COL16A1: variants seen among roughly 807,000 people sequenced by gnomAD.
The protein encoded by COL16A1 is collagen alpha-1(XVI) chain.
Under a neutral mutation model 266.3 loss-of-function variants are expected in COL16A1, and 189 were observed. The observed-to-expected ratio is 0.71, with a 90% CI of 0.63 to 0.80. COL16A1 has a LOEUF of 0.80. Ranked by LOEUF, COL16A1 falls within the 30% of genes least tolerant of loss-of-function variation. COL16A1 has a pLI of 0.00. For missense variants in COL16A1, 1,928 were observed against 2,122.4 expected, an observed-to-expected ratio of 0.91 and a Z score of 1.80; for synonymous variants, 740 against 782.3, an observed-to-expected ratio of 0.95 and a Z score of 0.90.
At position 31,688,938 on chromosome 1, in the gene COL16A1, C is replaced by A; in HGVS notation, c.1690G>T (p.Gly564Trp). The change falls in exon 25 of 71, where the codon GGG becomes TGG. Residue 564 changes from glycine (G) to tryptophan (W), a missense_variant. Physicochemically the swap from Gly to Trp is radical, Grantham distance 184 (BLOSUM62 -2). Coordinates refer to ENST00000373672, the MANE Select transcript of COL16A1 (RefSeq NM_001856.4). This position sits in a 1 kb window ranked among gnomAD's most constrained non-coding sequence, Gnocchi z 4.9. ...EPCLSCSSVV[G>W]AQHLVSSTGA... Reference sequence around the variant, plus strand: ...GTGGAGGACACAAGATGCTGGGCCCCTACAACCGAGCTGCAGGACAAGCAG... The same window carrying A: ...GTGGAGGACACAAGATGCTGGGCCCATACAACCGAGCTGCAGGACAAGCAG... 1.2e-6 allele frequency: 2 copies of A among 1,614,184 alleles called. No homozygotes were observed. Among genetic ancestry groups the A allele is most frequent in the Non-Finnish European group, 1.7e-6 (2 of 1,180,008 alleles).
At chr1:31,702,887 T>C (rs762526876) in intron 1 of COL16A1, among the ~76,000 whole-genome samples, 2 of 152,040 alleles carry the variant, frequency 1.3e-5, no homozygotes, top group Non-Finnish European at 2.9e-5. Flanking sequence ...CCCCAGCTGA[T>C]GGATGCTTGT....
chr1:31,674,426 G>A (rs1032703422), intron 44 of COL16A1, among the ~76,000 whole-genome samples: 6 of 152,254 alleles, frequency 3.9e-5, no homozygotes, highest in Non-Finnish European at 8.8e-5. Context: ...CTTCTGCTCA[G>A]TTTGGGAAGC....
At position 31,703,873 on chromosome 1, in the gene COL16A1, C is replaced by T. The variant is rs947561693; in HGVS notation, c.-71G>A. On this transcript the variant is annotated 5_prime_UTR_variant, in exon 1 of 71. Transcript: ENST00000373672. ...GATCCCCCCACCTCACTGAGCAGTC[C>T]AGGCAGCAGGCGGAGGAAGCAGAGC... 1.3e-5 allele frequency: 2 copies of T among 152,658 alleles called. No homozygotes were observed. The highest frequency in any genetic ancestry group is 2.9e-5 in the Non-Finnish European group (2 of 68,402). 9.5% of individuals were successfully genotyped at this position (152,658 alleles called of 1,614,324 possible). A position where few individuals can be genotyped will look rare whatever the true frequency, so the allele number is the denominator to read the frequency against.
In COL16A1 at chr1:31,668,958, A is replaced by G. The variant is rs2148698280; in HGVS notation, c.3196-103T>C. 2 of 1,005,656 alleles carry G rather than the reference A, an allele frequency of 2.0e-6. No homozygotes were observed. Among genetic ancestry groups the G allele is most frequent in the East Asian group, 5.0e-5 (2 of 39,862 alleles). The allele number at this position is 1,005,656 out of a possible 1,614,324, so 62.3% of individuals were successfully genotyped here. A position where few individuals can be genotyped will look rare whatever the true frequency, so the allele number is the denominator to read the frequency against. On this transcript the variant is annotated intron_variant, in intron 49 of 70. Coordinates refer to ENST00000373672, the MANE Select transcript of COL16A1 (RefSeq NM_001856.4). This position sits in a 1 kb window ranked among gnomAD's most constrained non-coding sequence, Gnocchi z 5.8. ...TGCCTTCTGTTCCCACTCCAGGCAA[A>G]TATGGAGGCCATAGTGGCTCTCGTA...
In COL16A1 at chr1:31,658,955, C is replaced by T. The variant is rs375539480; in HGVS notation, c.3889G>A (p.Gly1297Arg). ...GCTGGTCCTGGCTGGCCTGGAGGCC[C>T]TGGTGGCCCCTAAAGAGAGATGAGT... ...PGPPGHVGPP[G>R]PPGQPGPAGI... Residue 1297 changes from glycine (G) to arginine (R), a missense_variant, in exon 63 of 71, where the codon GGG (glycine) becomes AGG (arginine). Gly to Arg is a moderately radical substitution (Grantham distance 125). Transcript: ENST00000373672. 67 of 1,554,116 alleles carry T rather than the reference C, an allele frequency of 4.3e-5. No individual in the cohort carries two copies.
intron 57 of COL16A1, 99 bp downstream of exon 57, chr1:31,662,488 C>T: frequency 6.4e-7 from 1 of 1,556,460 alleles, no homozygotes; most frequent in Non-Finnish European, 8.7e-7. Context: ...TCCCCTGACT[C>T]CCACCTCAGC....
At position 31,668,345 on chromosome 1, in the gene COL16A1, T is replaced by C. The variant is rs1642326484; in HGVS notation, c.3250-127A>G. On this transcript the variant is annotated intron_variant, in intron 50 of 70. Transcript: ENST00000373672. This position sits in a 1 kb window ranked among gnomAD's most constrained non-coding sequence, Gnocchi z 5.8. Reference sequence around the variant, plus strand: ...TAGCAGGTGCCAGCCTGCCCCAGCATTGCACACTGGGCCATCTCCCCAAGC... The same window carrying C: ...TAGCAGGTGCCAGCCTGCCCCAGCACTGCACACTGGGCCATCTCCCCAAGC... 2 of 970,588 alleles carry C rather than the reference T, an allele frequency of 2.1e-6. No individual in the cohort carries two copies. The highest frequency in any genetic ancestry group is 1.4e-5 in the South Asian group (1 of 72,316). 60.1% of individuals were successfully genotyped at this position (970,588 alleles called of 1,614,324 possible).
In COL16A1 at chr1:31,683,181, G is replaced by A; in HGVS notation, c.2469+13C>T. On this transcript the variant is annotated intron_variant, in intron 36 of 70. Coordinates refer to ENST00000373672, the MANE Select transcript of COL16A1 (RefSeq NM_001856.4). Reference sequence around the variant, plus strand: ...ATACTGCAGGCCCAATACCCATGGAGGCAGAGGCTCACCTGGGCACCCTTC... The same window carrying A: ...ATACTGCAGGCCCAATACCCATGGAAGCAGAGGCTCACCTGGGCACCCTTC... The A allele has an allele frequency of 6.2e-7, 1 of 1,614,076 alleles. No individual in the cohort carries two copies. The highest frequency in any genetic ancestry group is 8.5e-7 in the Non-Finnish European group (1 of 1,180,004).
At chr1:31,678,740 C>G (rs1470894323) in intron 42 of COL16A1, among the ~76,000 whole-genome samples, 2 of 152,282 alleles carry the variant, frequency 1.3e-5, no homozygotes, top group East Asian at 1.9e-4. Context: ...CTCACAAAAG[C>G]CCTATGAGTT....
Position 31,670,466 on chromosome 1 carries a change from C to G in COL16A1, c.3195+136G>C, listed in dbSNP as rs773079888. On this transcript the variant is annotated intron_variant, in intron 49 of 70. Coordinates refer to ENST00000373672, the MANE Select transcript of COL16A1 (RefSeq NM_001856.4). This position sits in a 1 kb window ranked among gnomAD's most constrained non-coding sequence, Gnocchi z 4.5. Reference sequence around the variant, plus strand: ...TGCCGGGACCTCAGAGAACCCGTGTCGTTAGCTACCGTGCCTGAAGGGGGA... The same window carrying G: ...TGCCGGGACCTCAGAGAACCCGTGTGGTTAGCTACCGTGCCTGAAGGGGGA... 1.4e-5 allele frequency: 16 copies of G among 1,153,538 alleles called. No individual in the cohort carries two copies. The highest frequency in any genetic ancestry group is 1.8e-5 in the Non-Finnish European group (16 of 889,148). 71.5% of individuals were successfully genotyped at this position (1,153,538 alleles called of 1,614,324 possible). A position where few individuals can be genotyped will look rare whatever the true frequency, so the allele number is the denominator to read the frequency against.
Position 31,664,617 on chromosome 1 carries a change from C to T in COL16A1, c.3555+555G>A, listed in dbSNP as rs1414752252. On this transcript the variant is annotated intron_variant, in intron 56 of 70. Coordinates refer to ENST00000373672, the MANE Select transcript of COL16A1 (RefSeq NM_001856.4). This position sits in a 1 kb window ranked among gnomAD's most constrained non-coding sequence, Gnocchi z 5.5. ...GCATTTATCAAGCCAAAGTCAAGAG[C>T]AGCCAGCATAGGAGCTCCGCCAACT... Among the ~76,000 whole-genome samples the T allele has an allele frequency of 1.3e-5, 2 of 152,180 alleles. No homozygotes were observed. The highest frequency in any genetic ancestry group is 2.9e-5 in the Non-Finnish European group (2 of 68,028).
Position 31,691,246 on chromosome 1 carries a change from C to G in COL16A1, c.1399-20G>C, listed in dbSNP as rs771462222. The G allele has an allele frequency of 2.5e-6, 4 of 1,613,278 alleles. No individual in the cohort carries two copies. The highest frequency in any genetic ancestry group is 8.5e-7 in the Non-Finnish European group (1 of 1,179,656). ...ATCCCCCTGAGGGCAGAAACAGAGTCACGTGGAAGTTTCCAGGGACCACTC... is the reference window on the plus strand; with the variant it reads ...ATCCCCCTGAGGGCAGAAACAGAGTGACGTGGAAGTTTCCAGGGACCACTC... On this transcript the variant is annotated intron_variant, in intron 19 of 70. Coordinates refer to ENST00000373672, the MANE Select transcript of COL16A1 (RefSeq NM_001856.4).
At chr1:31,660,762 A>G (rs1557613828) in intron 61 of COL16A1, 124 bp from the exon 62 acceptor site, 1 of 1,395,874 alleles carries the variant, frequency 7.2e-7, no homozygotes. Flanking sequence ...AGCTGGGCCA[A>G]TTCCCAGCCT....
At chr1:31,696,417 G>A (rs186744099) in intron 8 of COL16A1, among the ~76,000 whole-genome samples, 10 of 147,768 alleles carry the variant, frequency 6.8e-5, no homozygotes, top group Admixed American at 5.0e-4. Flanking sequence ...CAAGATGCCC[G>A]AGCGGGCAGG....
rs533367422 is a variant in COL16A1 at position 31,691,663 on chromosome 1, G to A, written c.1258-21C>T. 12 of 1,611,778 alleles carry A rather than the reference G, an allele frequency of 7.4e-6. No homozygotes were observed. In the South Asian group the frequency reaches 7.7e-5, roughly 10 times the overall value. ...CGGCCCTGTGGGGGGATAAGGGGGAGGGTGTACAAACAGCCCTGAGGCCTG... is the reference window on the plus strand; with the variant it reads ...CGGCCCTGTGGGGGGATAAGGGGGAAGGTGTACAAACAGCCCTGAGGCCTG... On this transcript the variant is annotated intron_variant, in intron 17 of 70. Coordinates refer to ENST00000373672, the MANE Select transcript of COL16A1 (RefSeq NM_001856.4).
intron 8 of COL16A1, among the ~76,000 whole-genome samples, chr1:31,696,721 AG>A (rs1644517954): frequency 6.6e-6 from 1 of 152,218 alleles, no homozygotes; most frequent in African/African-American, 2.4e-5. Context: ...TGCCAGAGCT[AG>A]ATGGTACCAC....
At chr1:31,696,439 G>A (rs896106284) in intron 8 of COL16A1, among the ~76,000 whole-genome samples, 9 of 151,926 alleles carry the variant, frequency 5.9e-5, no homozygotes, top group African/African-American at 9.7e-5. Context: ...AGAGTGCCCA[G>A]CCAGGGGGTG....
intron 23 of COL16A1, chr1:31,689,471 G>A: frequency 1.8e-6 from 1 of 566,314 alleles, no homozygotes; most frequent in Non-Finnish European, 3.2e-6. Context: ...AGTAAGGGTG[G>A]GCTCCAGCCC....
intron 51 of COL16A1, 62 bp from the exon 52 acceptor site, chr1:31,667,690 T>C (rs1642257697): frequency 4.7e-6 from 7 of 1,476,768 alleles, no homozygotes; most frequent in Non-Finnish European, 6.5e-6. Context: ...ACGGCACTAA[T>C]GCGAGGAGCG....
Sources: allele counts gnomAD v4.1 joint callset (sites outside exome capture counted in the v4.1 genomes callset), GRCh38; gene constraint gnomAD v4.1.1; non-coding constraint Gnocchi (gnomAD v3.1); transcripts MANE v1.5; gene names NCBI Gene and HGNC (gene_info 2026-07-23, HGNC 2026-07-21).